The following TMX4 variants were observed in gnomAD, a reference collection of about 807,000 sequenced individuals.
TMX4 encodes the protein thioredoxin related transmembrane protein 4.
TMX4 carries 23 observed loss-of-function variants against 33.3 expected under a neutral mutation model. The observed-to-expected ratio is 0.69, with a 90% CI of 0.50 to 0.98. The LOEUF (loss-of-function observed/expected upper bound fraction) is 0.98. Ranked by LOEUF, TMX4 falls within the 50% of genes least tolerant of loss-of-function variation. The probability of loss-of-function intolerance (pLI) is 0.00; values close to 1 mark genes in which losing one functional copy is unlikely to be tolerated. For synonymous variants in TMX4, 164 were observed against 161.5 expected, an observed-to-expected ratio of 1.02 and a Z score of -0.12; for missense variants, 399 against 448.9, an observed-to-expected ratio of 0.89 and a Z score of 1.01.
intron 1 of TMX4, chr20:8,018,935 CG>C (rs1371314622): frequency 2.4e-6 from 1 of 418,208 alleles, no homozygotes. Context: ...CTGCCTTCAC[CG>C]TGCTGCAATT....
rs1367175281 is a variant in TMX4 at position 7,978,738 on chromosome 20, C to T, written c.*3513G>A. 6.6e-6 allele frequency: 1 copy of T among 152,168 alleles called. No individual in the cohort carries two copies. The highest frequency in any genetic ancestry group is 6.5e-5 in the Admixed American group (1 of 15,282). The allele number at this position is 152,168 out of a possible 1,614,324, so 9.4% of individuals were successfully genotyped here. On this transcript the variant is annotated 3_prime_UTR_variant, in exon 8 of 8. Coordinates refer to ENST00000246024, the MANE Select transcript of TMX4 (RefSeq NM_021156.4). ...CCCTGTGAACCCAACAGGCCCTGTC[C>T]CTCATCCCATCCAATGACTATACTT...
chr20:8,012,955 C>T (rs2050758706), intron 1 of TMX4, among the ~76,000 whole-genome samples: 1 of 152,172 alleles, frequency 6.6e-6, no homozygotes, highest in Non-Finnish European at 1.5e-5. Context: ...GATAAGCCAG[C>T]TCTGAGTCTT....
At chr20:8,007,881 A>G (rs773576103) in intron 2 of TMX4, among the ~76,000 whole-genome samples, 5 of 152,180 alleles carry the variant, frequency 3.3e-5, no homozygotes, top group Non-Finnish European at 5.9e-5. Context: ...TTTTCTTCAT[A>G]TCCCTTACCA....
intron 1 of TMX4, among the ~76,000 whole-genome samples, chr20:8,011,125 A>G (rs1422520696): frequency 6.6e-6 from 1 of 152,120 alleles, no homozygotes; most frequent in Non-Finnish European, 1.5e-5. Flanking sequence ...AGAGAAATAT[A>G]CCAACTTGTG....
At chr20:8,001,620 C>T in intron 2 of TMX4, 79 bp from the exon 3 acceptor site, 2 of 1,328,156 alleles carry the variant, frequency 1.5e-6, no homozygotes, top group Non-Finnish European at 1.0e-6. Flanking sequence ...TTCATAATCA[C>T]ATTATTAAAA....
chr20:7,998,101 C>T (rs2050684375), intron 4 of TMX4, among the ~76,000 whole-genome samples: 1 of 152,098 alleles, frequency 6.6e-6, no homozygotes, highest in Non-Finnish European at 1.5e-5. Context: ...ATGCCAGCAT[C>T]ATCCTTCCTG....
intron 4 of TMX4, among the ~76,000 whole-genome samples, chr20:7,999,302 A>C (rs1363326831): frequency 3.3e-5 from 5 of 152,226 alleles, no homozygotes; most frequent in Non-Finnish European, 7.4e-5. Context: ...TTTGCGAGGC[A>C]GCCAAAGACT....
chr20:7,996,158 C>T (rs1476686458), intron 4 of TMX4, 87 bp from the exon 5 acceptor site: 7 of 1,054,902 alleles, frequency 6.6e-6, no homozygotes, highest in Non-Finnish European at 9.8e-6. Flanking sequence ...GGTCTATTTC[C>T]CTCCACTTCT....
At chr20:7,988,722 A>G (rs1288782823) in intron 5 of TMX4, among the ~76,000 whole-genome samples, 1 of 152,142 alleles carries the variant, frequency 6.6e-6, no homozygotes, top group Non-Finnish European at 1.5e-5. Flanking sequence ...AGCCAGGACA[A>G]CTGTTTATTA....
At chr20:7,995,785 C>G (rs1340412093) in intron 5 of TMX4, among the ~76,000 whole-genome samples, 1 of 151,726 alleles carries the variant, frequency 6.6e-6, no homozygotes, top group Non-Finnish European at 1.5e-5. Flanking sequence ...GGATGAAAGA[C>G]TTCACCACTG....
chr20:7,979,037 ATAAC>A lies in TMX4; in HGVS notation c.*3210_*3213del, dbSNP rs1434047926. ...ACATAAAATACCATTCTGTGACTAA[ATAAC>A]TGATACTGCAATAGAGGGAAGCATG... On this transcript the variant is annotated 3_prime_UTR_variant, in exon 8 of 8. Transcript: ENST00000246024. The A allele has an allele frequency of 6.6e-6, 1 of 152,134 alleles. No homozygotes were observed. The highest frequency in any genetic ancestry group is 2.4e-5 in the African/African-American group (1 of 41,420). 9.4% of individuals were successfully genotyped at this position (152,134 alleles called of 1,614,324 possible).
chr20:7,999,786 T>C lies in TMX4; in HGVS notation c.413A>G (p.Lys138Arg). The C allele has an allele frequency of 6.2e-7, 1 of 1,613,748 alleles. No individual in the cohort carries two copies. The highest frequency in any genetic ancestry group is 1.1e-5 in the South Asian group (1 of 91,060). The change falls in exon 4 of 8, where the codon AAG (lysine) becomes AGG (arginine). Residue 138 changes from lysine (K) to arginine (R), a missense_variant. Lys to Arg is a conservative substitution (Grantham distance 26). Transcript: ENST00000246024. ...FEDLQNYILEKKWQSVEPLTG... is the reference protein window; with the variant it reads ...FEDLQNYILERKWQSVEPLTG... ...CAGAGGCTCGACTGATTGCCATTTC[T>C]TCTCTAAGATATAATTCTGCAGGTC... is the stretch of plus-strand genomic sequence containing the variant.
intron 6 of TMX4, among the ~76,000 whole-genome samples, chr20:7,986,194 A>G (rs1272424082): frequency 6.6e-6 from 1 of 152,198 alleles, no homozygotes; most frequent in Non-Finnish European, 1.5e-5. Context: ...GATTAATGCA[A>G]CAGAACAGAA....
chr20:8,011,395 C>A (rs1157214757), intron 1 of TMX4, among the ~76,000 whole-genome samples: 1 of 151,702 alleles, frequency 6.6e-6, no homozygotes, highest in African/African-American at 2.4e-5. Flanking sequence ...AAGATTTAGG[C>A]TCAAAGTTGC....
intron 5 of TMX4, among the ~76,000 whole-genome samples, chr20:7,989,282 G>A (rs1043782916): frequency 6.6e-6 from 1 of 151,936 alleles, no homozygotes; most frequent in Non-Finnish European, 1.5e-5. Flanking sequence ...ACCCATGAAT[G>A]TATTTTAGAA....
At chr20:8,005,895 C>A (rs1189210888) in intron 2 of TMX4, among the ~76,000 whole-genome samples, 1 of 152,190 alleles carries the variant, frequency 6.6e-6, no homozygotes, top group Admixed American at 6.5e-5. Flanking sequence ...ATCCACCTCG[C>A]TGAGAGCTAC....
At chr20:8,018,255 T>C (rs1029604842) in intron 1 of TMX4, among the ~76,000 whole-genome samples, 9 of 70,464 alleles carry the variant, frequency 1.3e-4, no homozygotes, top group Admixed American at 9.7e-4. Context: ...AAAGATTTTA[T>C]GTTTGGGGGG....
At chr20:8,005,703 A>T (rs1328949360) in intron 2 of TMX4, among the ~76,000 whole-genome samples, 15 of 152,150 alleles carry the variant, frequency 9.9e-5, no homozygotes, top group Admixed American at 9.8e-4. Context: ...CAGCGGCTGG[A>T]CATCGAGAGG....
intron 2 of TMX4, among the ~76,000 whole-genome samples, chr20:8,002,853 T>C (rs957143424): frequency 6.6e-6 from 1 of 152,198 alleles, no homozygotes; most frequent in South Asian, 2.1e-4. Flanking sequence ...AACATCTCAA[T>C]TGTATTTAAA....
Sources: allele counts gnomAD v4.1 joint callset (sites outside exome capture counted in the v4.1 genomes callset), GRCh38; gene constraint gnomAD v4.1.1; transcripts MANE v1.5; gene names NCBI Gene and HGNC (gene_info 2026-07-23, HGNC 2026-07-21).